The following SPON1 variants were observed in gnomAD, a reference collection of about 807,000 sequenced individuals.
SPON1 encodes the protein spondin-1.
In SPON1, 52 loss-of-function variants were observed where a neutral mutation model predicts 111.7. That is an observed-to-expected ratio of 0.47 (90% confidence interval 0.37 to 0.59). The LOEUF (loss-of-function observed/expected upper bound fraction) is 0.59. SPON1 is among the 20% of genes least tolerant of loss of function. The probability of loss-of-function intolerance (pLI) is 0.00; values close to 1 mark genes in which losing one functional copy is unlikely to be tolerated. For synonymous variants in SPON1, 410 were observed against 395.8 expected (o/e 1.04, Z -0.43); for missense variants, 957 against 1,068.5 (o/e 0.90, Z 1.46).
chr11:14,156,513 T>G (rs1412355296), intron 6 of SPON1, among the ~76,000 whole-genome samples: 1 of 150,722 alleles, frequency 6.6e-6, no homozygotes, highest in African/African-American at 2.4e-5. Context: ...ATCCCATTTG[T>G]CAATTTTGGC....
At chr11:14,126,856 A>G (rs1847465972) in intron 5 of SPON1, among the ~76,000 whole-genome samples, 1 of 152,130 alleles carries the variant, frequency 6.6e-6, no homozygotes, top group African/African-American at 2.4e-5. Flanking sequence ...TGTGGGGCCC[A>G]GGTGTAAACT....
At position 14,267,792 on chromosome 11, in the gene SPON1, G is replaced by T. The variant is rs1849288769; in HGVS notation, c.*2105G>T. The T allele has an allele frequency of 6.6e-6, 1 of 152,174 alleles. No individual in the cohort carries two copies. Among genetic ancestry groups the T allele is most frequent in the Non-Finnish European group, 1.5e-5 (1 of 68,018 alleles). 9.4% of individuals were successfully genotyped at this position (152,174 alleles called of 1,614,324 possible). ...GCTAACAAATCATTTTGGAAATAAA[G>T]ATTTTTTACTACAAAAATGAAATTT... On this transcript the variant is annotated 3_prime_UTR_variant, in exon 16 of 16. Transcript: ENST00000576479.
In SPON1 at chr11:14,266,657, C is replaced by T. The variant is rs782810685; in HGVS notation, c.*970C>T. ...ACATTTTGCTAAGTCTGCCCAAAGCCCCCCCAATGCATTCCTTCAACAAAA... is the reference window on the plus strand; with the variant it reads ...ACATTTTGCTAAGTCTGCCCAAAGCTCCCCCAATGCATTCCTTCAACAAAA... On this transcript the variant is annotated 3_prime_UTR_variant, in exon 16 of 16. Transcript: ENST00000576479. The T allele has an allele frequency of 3.9e-5, 6 of 152,028 alleles. No individual in the cohort carries two copies. The highest frequency in any genetic ancestry group is 8.8e-5 in the Non-Finnish European group (6 of 68,016). The allele number at this position is 152,028 out of a possible 1,614,324, so 9.4% of individuals were successfully genotyped here.
At chr11:14,042,912 G>C (rs1554917460) in intron 3 of SPON1, among the ~76,000 whole-genome samples, 1 of 152,188 alleles carries the variant, frequency 6.6e-6, no homozygotes, top group Admixed American at 6.5e-5. Flanking sequence ...GCCGCCATCT[G>C]TCTGGACATT....
chr11:14,139,022 C>G (rs1212369239), intron 6 of SPON1, among the ~76,000 whole-genome samples: 1 of 152,162 alleles, frequency 6.6e-6, no homozygotes, highest in Non-Finnish European at 1.5e-5. Context: ...TTATAAAAAA[C>G]AAATCAGATC....
rs564790898 is a variant in SPON1 at position 14,170,793 on chromosome 11, C to T, written c.825+35225C>T. ...TTGGTTCTGTTTATATGCCAGATTA[C>T]GTTTATTGATTTTCGTATGTTGAAT... On this transcript the variant is annotated intron_variant, in intron 6 of 15. Transcript: ENST00000576479. Among the ~76,000 whole-genome samples the T allele has an allele frequency of 2.0e-4, 30 of 152,232 alleles. No individual in the cohort carries two copies. The East Asian group carries it at 5.6e-3, about 28-fold the overall frequency.
At chr11:14,233,765 T>C (rs1317081200) in intron 6 of SPON1, among the ~76,000 whole-genome samples, 8 of 143,144 alleles carry the variant, frequency 5.6e-5, no homozygotes, top group Admixed American at 2.1e-4. Context: ...TTTCTTTTTT[T>C]TTTTTTTTTT....
chr11:14,098,027 G>A (rs1013608152), intron 5 of SPON1, among the ~76,000 whole-genome samples: 6 of 151,998 alleles, frequency 3.9e-5, no homozygotes, highest in South Asian at 2.1e-4. Flanking sequence ...ACGGAGTCTC[G>A]CTCTGTCGCC....
chr11:14,237,870 A>G (rs181940571), intron 6 of SPON1, among the ~76,000 whole-genome samples: 2 of 152,292 alleles, frequency 1.3e-5, no homozygotes, highest in East Asian at 3.9e-4. Context: ...GAGCAGCAGA[A>G]GTAGGAGGGG....
rs782332342 is a variant in SPON1, at chr11:14,079,914, G to A, written c.569G>A (p.Gly190Glu). ...ACTGTTTCAGATTCCACATTTGATG[G>A]GGTGACTGACAAACCCATCTTAGAC... is the stretch of plus-strand genomic sequence containing the variant. ...KLCEQDSTFD[G>E]VTDKPILDCC... Residue 190 changes from glycine to glutamate, a missense_variant, in exon 5 of 16, where the codon GGG (glycine) becomes GAG (glutamate). Around this residue, in one of 5 missense-constraint regions of SPON1, gnomAD observed 262 missense variants for 253.9 expected, o/e 1.03. Transcript: ENST00000576479. 1.2e-6 allele frequency: 2 copies of A among 1,613,828 alleles called. No individual in the cohort carries two copies. The highest frequency in any genetic ancestry group is 1.7e-6 in the Non-Finnish European group (2 of 1,179,868).
chr11:14,196,718 C>T (rs574527429), intron 6 of SPON1, among the ~76,000 whole-genome samples: 1 of 152,262 alleles, frequency 6.6e-6, no homozygotes, highest in African/African-American at 2.4e-5. Context: ...AAACACTAAC[C>T]TGCCTCTTCC....
chr11:14,030,528 G>A (rs1848550370), intron 2 of SPON1, among the ~76,000 whole-genome samples: 1 of 152,216 alleles, frequency 6.6e-6, no homozygotes, highest in Non-Finnish European at 1.5e-5. Flanking sequence ...GTACACTCCC[G>A]GGAAGAGAAA....
At chr11:14,185,233 C>T (rs10832229) in intron 6 of SPON1, among the ~76,000 whole-genome samples, 61,008 of 152,064 alleles carry the variant, frequency 0.4, 12,374 homozygotes, top group East Asian at 0.55. Context: ...TCAGCAAAGC[C>T]AATCATTTTC....
chr11:13,995,395 G>T (rs1456905519), intron 2 of SPON1, among the ~76,000 whole-genome samples: 3 of 152,128 alleles, frequency 2.0e-5, no homozygotes, highest in Non-Finnish European at 2.9e-5. Flanking sequence ...CTGCATAGCT[G>T]GGGAGGCCTC....
At chr11:14,125,487 A>C (rs1300637232) in intron 5 of SPON1, among the ~76,000 whole-genome samples, 2 of 152,220 alleles carry the variant, frequency 1.3e-5, no homozygotes, top group African/African-American at 4.8e-5. Context: ...AGATTCCATA[A>C]GGGCCCAATC....
chr11:14,002,883 C>T (rs1848330413), intron 2 of SPON1, among the ~76,000 whole-genome samples: 1 of 152,032 alleles, frequency 6.6e-6, no homozygotes, highest in Non-Finnish European at 1.5e-5. Context: ...TTAAAAAACC[C>T]CAAAGTCCTA....
chr11:14,217,357 G>GA (rs1174097430), intron 6 of SPON1, among the ~76,000 whole-genome samples: 7 of 150,868 alleles, frequency 4.6e-5, no homozygotes, highest in Admixed American at 6.6e-5. Flanking sequence ...ATTACGTAAA[G>GA]AAAAAAAAAG....
intron 5 of SPON1, among the ~76,000 whole-genome samples, chr11:14,113,042 T>C (rs998005975): frequency 3.3e-5 from 5 of 152,204 alleles, no homozygotes; most frequent in Non-Finnish European, 5.9e-5. Flanking sequence ...CCCTTGAAAT[T>C]TGTTCAAGCA....
intron 3 of SPON1, among the ~76,000 whole-genome samples, chr11:14,055,518 G>A (rs1174767109): frequency 1.3e-5 from 2 of 152,174 alleles, no homozygotes; most frequent in Non-Finnish European, 2.9e-5. Context: ...CTTCCTTAAC[G>A]ATAGAAAGAC....
Sources: allele counts gnomAD v4.1 joint callset (sites outside exome capture counted in the v4.1 genomes callset), GRCh38; gene constraint gnomAD v4.1.1; regional missense constraint gnomAD v4.1.1; transcripts MANE v1.5; gene names NCBI Gene and HGNC (gene_info 2026-07-23, HGNC 2026-07-21).